Variants in TMEM131 observed in about 807,000 individuals in gnomAD.
The protein encoded by TMEM131 is 2610524E03Rik.
In TMEM131, 66 loss-of-function variants were observed where a neutral mutation model predicts 211.6. That is an observed-to-expected ratio of 0.31 (90% confidence interval 0.26 to 0.38). The LOEUF is 0.38. Among genes scored for constraint, TMEM131 ranks in the 10% least tolerant of loss-of-function variants. The pLI, the probability that TMEM131 is intolerant of heterozygous loss-of-function variation, is 1.00. For missense variants in TMEM131, 2,036 were observed against 2,299.3 expected, an observed-to-expected ratio of 0.89 and a Z score of 2.34; for synonymous variants, 844 against 841.3, an observed-to-expected ratio of 1.00 and a Z score of -0.06.
At chr2:97,912,227 G>A (rs1676320053) in intron 2 of TMEM131, among the ~76,000 whole-genome samples, 1 of 152,106 alleles carries the variant, frequency 6.6e-6, no homozygotes, top group South Asian at 2.1e-4. Flanking sequence ...AGGAAAAAAG[G>A]AAATGGGAAA....
chr2:97,816,075 T>C (rs945080302), intron 12 of TMEM131, among the ~76,000 whole-genome samples: 3 of 152,146 alleles, frequency 2.0e-5, no homozygotes, highest in African/African-American at 7.2e-5. Flanking sequence ...GTGCAGTGCC[T>C]CACATCGGTA....
intron 1 of TMEM131, among the ~76,000 whole-genome samples, chr2:97,938,324 G>A (rs1174952838): frequency 5.3e-5 from 8 of 152,106 alleles, no homozygotes; most frequent in Admixed American, 4.6e-4. Context: ...AAATAAAGGG[G>A]TGGAGGAAAA....
At chr2:97,810,431 G>T in intron 18 of TMEM131, among the ~76,000 whole-genome samples, 1 of 152,040 alleles carries the variant, frequency 6.6e-6, no homozygotes, top group East Asian at 1.9e-4. Flanking sequence ...ATTATTAAAT[G>T]GCCAATTCTG....
chr2:97,772,463 T>A, intron 32 of TMEM131, 39 bp from the exon 33 acceptor site: 1 of 1,587,394 alleles, frequency 6.3e-7, no homozygotes, highest in Non-Finnish European at 8.5e-7. Context: ...GAAGGATTAA[T>A]AAAATGACTG....
At chr2:97,936,172 T>A (rs1244828493) in intron 1 of TMEM131, among the ~76,000 whole-genome samples, 1 of 152,198 alleles carries the variant, frequency 6.6e-6, no homozygotes, top group Non-Finnish European at 1.5e-5. Context: ...GGGAAATTTT[T>A]AAAAATTTGG....
chr2:97,880,144 C>A (rs1403993637), intron 4 of TMEM131, among the ~76,000 whole-genome samples: 1 of 152,144 alleles, frequency 6.6e-6, no homozygotes, highest in Non-Finnish European at 1.5e-5. Flanking sequence ...CCATAAAAAA[C>A]TATCTTTAGA....
intron 3 of TMEM131, among the ~76,000 whole-genome samples, chr2:97,898,777 C>T (rs1195272433): frequency 1.3e-5 from 2 of 152,094 alleles, no homozygotes; most frequent in Admixed American, 1.3e-4. Context: ...TCTAATATCC[C>T]TTATGATTTC....
At chr2:97,813,868 C>G in intron 15 of TMEM131, 103 bp downstream of exon 15, 1 of 947,204 alleles carries the variant, frequency 1.1e-6, no homozygotes, top group East Asian at 2.8e-5. Flanking sequence ...ATTTGCAGAG[C>G]ACAAATAATG....
intron 31 of TMEM131, among the ~76,000 whole-genome samples, chr2:97,791,750 A>C (rs1680506899): frequency 1.3e-5 from 2 of 152,220 alleles, no homozygotes; most frequent in South Asian, 4.1e-4. Flanking sequence ...TTTTGAGGTC[A>C]TCTGTTACTC....
rs374465908 is a variant in TMEM131 at position 97,893,721 on chromosome 2, C to T, written c.291-5601G>A. On this transcript the variant is annotated intron_variant, in intron 3 of 40. Coordinates refer to ENST00000186436, the MANE Select transcript of TMEM131 (RefSeq NM_015348.2). ...AGAAGTGTCTGTTCATATCCTTCACCCACTTTTTGATGGTTTTTTTTTCTT... is the reference window on the plus strand; with the variant it reads ...AGAAGTGTCTGTTCATATCCTTCACTCACTTTTTGATGGTTTTTTTTTCTT... Among the ~76,000 whole-genome samples the T allele has an allele frequency of 4.7e-5, 7 of 150,274 alleles. No individual in the cohort carries two copies. In the East Asian group the frequency reaches 9.6e-4, roughly 21 times the overall value.
chr2:97,993,850 G>C (rs1680368031), intron 1 of TMEM131, among the ~76,000 whole-genome samples: 1 of 152,290 alleles, frequency 6.6e-6, no homozygotes, highest in East Asian at 1.9e-4. Flanking sequence ...TTTACCCAGA[G>C]TAAAGTTTTT....
chr2:97,886,613 T>G (rs1675170010), intron 4 of TMEM131, among the ~76,000 whole-genome samples: 1 of 152,120 alleles, frequency 6.6e-6, no homozygotes, highest in Non-Finnish European at 1.5e-5. Context: ...GCAGCTTTGT[T>G]GAGGGTGGGC....
At chr2:97,906,509 C>T (rs961904274) in intron 3 of TMEM131, among the ~76,000 whole-genome samples, 1 of 152,136 alleles carries the variant, frequency 6.6e-6, no homozygotes. Flanking sequence ...TAGCATATGG[C>T]AGCAGAAGTA....
In TMEM131 at chr2:97,981,643, T is replaced by G. The variant is rs550561200; in HGVS notation, c.187+13833A>C. On this transcript the variant is annotated intron_variant, in intron 1 of 40. Transcript: ENST00000186436. ...TAAGTATATAATGCATAGTTTTCAG[T>G]GTATTCAGAGTTGTTCAACCACCAT... Among the ~76,000 whole-genome samples the G allele has an allele frequency of 4.6e-5, 7 of 152,302 alleles. No homozygotes were observed. The South Asian group carries it at 1.4e-3, about 32-fold the overall frequency.
At chr2:97,951,817 C>A (rs1678331345) in intron 1 of TMEM131, among the ~76,000 whole-genome samples, 1 of 152,098 alleles carries the variant, frequency 6.6e-6, no homozygotes, top group Non-Finnish European at 1.5e-5. Flanking sequence ...CTTTTAGAGT[C>A]CTTTAATACC....
At chr2:97,852,429 AC>A (rs58300457) in intron 5 of TMEM131, among the ~76,000 whole-genome samples, 50,719 of 152,004 alleles carry the variant, frequency 0.33, 9,294 homozygotes, top group Non-Finnish European at 0.39. Flanking sequence ...AAGTGCTGGG[AC>A]TACAGGCGTG....
intron 1 of TMEM131, among the ~76,000 whole-genome samples, chr2:97,930,181 A>T (rs1677159250): frequency 6.6e-6 from 1 of 151,832 alleles, no homozygotes; most frequent in East Asian, 1.9e-4. Context: ...AAAGACATAA[A>T]GTCAAGGCCT....
chr2:97,794,540 A>C (rs939440416), intron 29 of TMEM131, among the ~76,000 whole-genome samples: 3 of 152,218 alleles, frequency 2.0e-5, no homozygotes, highest in African/African-American at 7.2e-5. Flanking sequence ...GACTCTTGAA[A>C]CACAAAGTAA....
chr2:97,816,334 C>G (rs1398372607), intron 12 of TMEM131, among the ~76,000 whole-genome samples: 1 of 152,008 alleles, frequency 6.6e-6, no homozygotes, highest in Non-Finnish European at 1.5e-5. Flanking sequence ...AAGCGAGACT[C>G]TGACCCAAAA....
Sources: gnomAD v4.1 joint callset for allele counts (sites outside exome capture counted in the v4.1 genomes callset) on GRCh38, gnomAD v4.1.1 for gene constraint, MANE v1.5 for transcripts, NCBI Gene and HGNC (gene_info 2026-07-23, HGNC 2026-07-21) for gene names.